TSHZ1: variants seen among roughly 807,000 people sequenced by gnomAD.
TSHZ1 encodes teashirt homolog 1.
TSHZ1 carries 12 observed loss-of-function variants against 67.1 expected under a neutral mutation model. That is an observed-to-expected ratio of 0.18 (90% confidence interval 0.11 to 0.29). TSHZ1 has a LOEUF of 0.29. TSHZ1 is among the 10% of genes least tolerant of loss of function. The pLI, the probability that TSHZ1 is intolerant of heterozygous loss-of-function variation, is 1.00. For missense variants in TSHZ1, 1,305 were observed against 1,413.9 expected (o/e 0.92, Z 1.23); for synonymous variants, 632 against 622.4 (o/e 1.02, Z -0.23).
chr18:75,211,954 C>CCGGGAGGAG, intron 1 of TSHZ1, 38 bp downstream of exon 1: 2 of 1,201,726 alleles, frequency 1.7e-6, no homozygotes, highest in Non-Finnish European at 2.1e-6. Flanking sequence ...GGAGTGGGCG[C>CCGGGAGGAG]CGGGAGGAGC....
chr18:75,276,967 AC>A (rs1390148768), intron 1 of TSHZ1, among the ~76,000 whole-genome samples: 1 of 152,194 alleles, frequency 6.6e-6, no homozygotes, highest in Admixed American at 6.5e-5. Context: ...ATTTGTGTCC[AC>A]CACCTCCTCC....
At position 75,286,971 on chromosome 18, in the gene TSHZ1, G is replaced by A. The variant is rs975724333; in HGVS notation, c.1564G>A (p.Asp522Asn). 6.2e-7 allele frequency: 1 copy of A among 1,614,076 alleles called. No individual in the cohort carries two copies. Among genetic ancestry groups the A allele is most frequent in the Non-Finnish European group, 8.5e-7 (1 of 1,180,034 alleles). ...DAEKIKEESE[D>N]SLEKFEPSTL... ...GGAGAAGATCAAGGAGGAGAGTGAG[G>A]ACAGCTTGGAGAAATTTGAGCCCAG... The change falls in exon 2 of 2, where the codon GAC becomes AAC. Residue 522 changes from aspartate (D) to asparagine (N), a missense_variant. By Grantham distance (23) the Asp-to-Asn change is conservative. Around this residue, in one of 3 missense-constraint regions of TSHZ1, gnomAD observed 909 missense variants for 961.8 expected, o/e 0.95. Coordinates refer to ENST00000580243, the MANE Select transcript of TSHZ1 (RefSeq NM_001308210.2). This position sits in a 1 kb window ranked among gnomAD's most constrained non-coding sequence, Gnocchi z 5.1.
intron 1 of TSHZ1, among the ~76,000 whole-genome samples, chr18:75,272,428 C>T (rs940327090): frequency 3.9e-5 from 6 of 152,100 alleles, no homozygotes; most frequent in Non-Finnish European, 8.8e-5. Context: ...AACCACAGGG[C>T]GATTCTACTA....
intron 1 of TSHZ1, among the ~76,000 whole-genome samples, chr18:75,270,096 C>G (rs1484726467): frequency 1.3e-5 from 2 of 152,214 alleles, no homozygotes; most frequent in Non-Finnish European, 2.9e-5. Context: ...ATGCCACTTA[C>G]AGTTGCTGAT....
intron 1 of TSHZ1, among the ~76,000 whole-genome samples, chr18:75,255,755 T>C (rs1240964245): frequency 1.3e-5 from 2 of 152,226 alleles, no homozygotes; most frequent in Non-Finnish European, 2.9e-5. Context: ...AATGGAATTG[T>C]TCCAGTGATG....
In TSHZ1 at chr18:75,288,857, T is replaced by G. The variant is rs1205839902; in HGVS notation, c.*216T>G. On this transcript the variant is annotated 3_prime_UTR_variant, in exon 2 of 2. Transcript: ENST00000580243. This position sits in a 1 kb window ranked among gnomAD's most constrained non-coding sequence, Gnocchi z 4.9. The stretch of plus-strand genomic sequence containing the variant: ...GTGAGTCAAAGTCTGACCTTTATTT[T>G]CAACATCTGTTCTTGGTGTTAAGCT... 2 of 646,602 alleles carry G rather than the reference T, an allele frequency of 3.1e-6. No homozygotes were observed. The highest frequency in any genetic ancestry group is 4.7e-6 in the Non-Finnish European group (2 of 424,142). The allele number at this position is 646,602 out of a possible 1,614,324, so 40.1% of individuals were successfully genotyped here. A position where few individuals can be genotyped will look rare whatever the true frequency, so the allele number is the denominator to read the frequency against.
rs1224380392 is a variant in TSHZ1, at chr18:75,287,655, C to T, written c.2248C>T (p.Gln750Ter). 6.2e-7 allele frequency: 1 copy of T among 1,614,198 alleles called. No homozygotes were observed. Among genetic ancestry groups the T allele is most frequent in the East Asian group, 2.2e-5 (1 of 44,874 alleles). Residue 750 changes from glutamine to a stop codon, truncating the protein, a stop_gained, in exon 2 of 2, where the codon CAG becomes TAG. Coordinates refer to ENST00000580243, the MANE Select transcript of TSHZ1 (RefSeq NM_001308210.2). LOFTEE classifies it high-confidence loss of function. The surrounding 1 kb of genome is among the most constrained non-coding windows in gnomAD (Gnocchi z 5.0). ...PSFINPLSAL[Q>*]SIMNTHLGKV... ...CTTCATCAACCCGCTGAGCGCTTTG[C>T]AGTCCATCATGAACACCCACCTGGG...
At chr18:75,274,480 C>T (rs1052944361) in intron 1 of TSHZ1, among the ~76,000 whole-genome samples, 7 of 152,084 alleles carry the variant, frequency 4.6e-5, no homozygotes, top group African/African-American at 1.4e-4. Flanking sequence ...ATTCATTCCC[C>T]TGGTAAAGGA....
At chr18:75,222,797 A>T (rs1370939660) in intron 1 of TSHZ1, among the ~76,000 whole-genome samples, 2 of 152,182 alleles carry the variant, frequency 1.3e-5, no homozygotes, top group Non-Finnish European at 2.9e-5. Context: ...CCTAATCCCA[A>T]GGTTCTCAAG....
rs750924311 is a variant in TSHZ1, at chr18:75,230,365, C to T, written c.40+18449C>T. Among the ~76,000 whole-genome samples, 6 of 152,046 alleles carry T rather than the reference C, an allele frequency of 3.9e-5. No homozygotes were observed. In the East Asian group the frequency reaches 5.8e-4, roughly 15 times the overall value. On this transcript the variant is annotated intron_variant, in intron 1 of 1. Transcript: ENST00000580243. Reference sequence around the variant, plus strand: ...AGCGTGTTCCTAGGAGCGCACCTTACGGAGGGTCCTGAGTGCCAGGAAATA... The same window carrying T: ...AGCGTGTTCCTAGGAGCGCACCTTATGGAGGGTCCTGAGTGCCAGGAAATA...
At chr18:75,260,302 C>T (rs1057190544) in intron 1 of TSHZ1, among the ~76,000 whole-genome samples, 2 of 152,206 alleles carry the variant, frequency 1.3e-5, no homozygotes, top group Non-Finnish European at 2.9e-5. Flanking sequence ...GCATTTTCCC[C>T]AGCATTCAGC....
At chr18:75,254,463 A>C (rs2023340519) in intron 1 of TSHZ1, among the ~76,000 whole-genome samples, 1 of 152,244 alleles carries the variant, frequency 6.6e-6, no homozygotes, top group Non-Finnish European at 1.5e-5. Flanking sequence ...TGAAAAGTCC[A>C]TGTACTGAAT....
intron 1 of TSHZ1, among the ~76,000 whole-genome samples, chr18:75,274,439 CTT>C (rs924245242): frequency 3.3e-5 from 5 of 151,938 alleles, no homozygotes; most frequent in African/African-American, 9.7e-5. Context: ...AGTGGCCTCT[CTT>C]ATAAAAATCT....
chr18:75,278,971 C>T (rs1314374807), intron 1 of TSHZ1, among the ~76,000 whole-genome samples: 2 of 152,178 alleles, frequency 1.3e-5, no homozygotes, highest in Non-Finnish European at 2.9e-5. Context: ...GAGTCCCTTG[C>T]ACCCACTAAG....
At chr18:75,262,454 T>C (rs1438026623) in intron 1 of TSHZ1, among the ~76,000 whole-genome samples, 1 of 152,222 alleles carries the variant, frequency 6.6e-6, no homozygotes, top group African/African-American at 2.4e-5. Flanking sequence ...ACCCAGACTA[T>C]AGCCTATATA....
chr18:75,280,276 TC>T (rs1422835581), intron 1 of TSHZ1, among the ~76,000 whole-genome samples: 1 of 152,266 alleles, frequency 6.6e-6, no homozygotes, highest in African/African-American at 2.4e-5. Flanking sequence ...TGAAGCTTTT[TC>T]TGCATTTCAT....
chr18:75,280,926 C>T (rs2023676795), intron 1 of TSHZ1: 2 of 615,862 alleles, frequency 3.2e-6, no homozygotes, highest in African/African-American at 4.0e-5. Flanking sequence ...GGCCCAGTAG[C>T]TCACACCAGG....
At chr18:75,275,806 G>A (rs1193831888) in intron 1 of TSHZ1, among the ~76,000 whole-genome samples, 3 of 152,210 alleles carry the variant, frequency 2.0e-5, no homozygotes, top group African/African-American at 7.2e-5. Context: ...GGTTTCTGGA[G>A]TAAGAGAACA....
chr18:75,231,157 G>A (rs185189400), intron 1 of TSHZ1, among the ~76,000 whole-genome samples: 1 of 152,322 alleles, frequency 6.6e-6, no homozygotes, highest in Admixed American at 6.5e-5. Flanking sequence ...GGCACACGAG[G>A]CGCTGTAGGT....
Sources: gnomAD v4.1 joint callset for allele counts (sites outside exome capture counted in the v4.1 genomes callset) on GRCh38, gnomAD v4.1.1 for gene constraint, gnomAD v4.1.1 regional missense constraint, Gnocchi (gnomAD v3.1) non-coding constraint, MANE v1.5 for transcripts, NCBI Gene and HGNC (gene_info 2026-07-23, HGNC 2026-07-21) for gene names.